LYRM4: variants seen among roughly 807,000 people sequenced by gnomAD.
The protein encoded by LYRM4 is LYR motif-containing protein 4.
LYRM4 carries 9 observed loss-of-function variants against 11.7 expected under a neutral mutation model. That is an observed-to-expected ratio of 0.77 (90% CI 0.46 to 1.34). LYRM4 has a LOEUF of 1.34. Ranked by LOEUF, LYRM4 falls within the 40% of genes most tolerant of loss-of-function variation. LYRM4 has a pLI of 0.00. For missense variants in LYRM4, 133 were observed against 112.5 expected, an observed-to-expected ratio of 1.18 and a Z score of -0.82; for synonymous variants, 42 against 40.4, an observed-to-expected ratio of 1.04 and a Z score of -0.15.
chr6:5,109,411 G>T lies in LYRM4; in HGVS notation c.*12C>A. On this transcript the variant is annotated 3_prime_UTR_variant, in exon 3 of 3. Transcript: ENST00000330636. ...GGTCCCTGGCCGCCACTGGTGGCTG[G>T]TCCCCGGCTTGCTAGGTCCTGGGCA... 1 of 1,613,914 alleles carries T rather than the reference G, an allele frequency of 6.2e-7. No individual in the cohort carries two copies. The highest frequency in any genetic ancestry group is 8.5e-7 in the Non-Finnish European group (1 of 1,179,842).
rs554889060 is a variant in LYRM4 at position 5,174,851 on chromosome 6, A to G, written c.207+41767T>C. Among the ~76,000 whole-genome samples the G allele has an allele frequency of 4.6e-4, 70 of 152,208 alleles. 1 individual carries two copies. The highest frequency in any genetic ancestry group is 3.8e-4 in the Non-Finnish European group (26 of 68,032). ...GAGAAAGGCTGAGAATATAAAAGAT[A>G]AGCAAGGCTTAACGTCAAAATTGAA... On this transcript the variant is annotated intron_variant, in intron 2 of 2. Coordinates refer to ENST00000330636, the MANE Select transcript of LYRM4 (RefSeq NM_020408.6).
At chr6:5,215,612 G>T (rs1222290779) in intron 2 of LYRM4, among the ~76,000 whole-genome samples, 1 of 152,144 alleles carries the variant, frequency 6.6e-6, no homozygotes, top group Non-Finnish European at 1.5e-5. Context: ...GACATAAACT[G>T]CAAATTATAG....
At chr6:5,123,131 A>AG (rs1427520542) in intron 2 of LYRM4, among the ~76,000 whole-genome samples, 2 of 152,176 alleles carry the variant, frequency 1.3e-5, no homozygotes, top group African/African-American at 4.8e-5. Flanking sequence ...AAATGGTGAG[A>AG]GGGAAAAACA....
At chr6:5,039,143 G>A in the LYRM4 span, among the ~76,000 whole-genome samples, 1 of 151,782 alleles carries the variant, frequency 6.6e-6, no homozygotes, top group Non-Finnish European at 1.5e-5. Context: ...CTAAATAAAT[G>A]AGTTGTTGCT....
chr6:5,193,103 C>A (rs1315273054), intron 2 of LYRM4, among the ~76,000 whole-genome samples: 2 of 152,130 alleles, frequency 1.3e-5, no homozygotes, highest in East Asian at 1.9e-4. Flanking sequence ...AATAGGCACA[C>A]AGCCCTACAG....
intron 2 of LYRM4, among the ~76,000 whole-genome samples, chr6:5,174,355 C>A (rs1759599511): frequency 6.6e-6 from 1 of 152,172 alleles, no homozygotes; most frequent in Non-Finnish European, 1.5e-5. Context: ...AGGACAGTGT[C>A]ACCTTTAAAG....
chr6:5,136,575 C>T (rs1446109351), intron 2 of LYRM4: 2 of 979,524 alleles, frequency 2.0e-6, no homozygotes, highest in Non-Finnish European at 2.4e-6. Flanking sequence ...TAATGTCTTA[C>T]TACAATGCCT....
intron 2 of LYRM4, chr6:5,136,474 G>A: frequency 1.0e-6 from 1 of 959,522 alleles, no homozygotes; most frequent in Non-Finnish European, 1.2e-6. Context: ...CACTGGCTCC[G>A]AAACCTTGGG....
At chr6:5,123,365 G>A (rs990239293) in intron 2 of LYRM4, among the ~76,000 whole-genome samples, 15 of 152,202 alleles carry the variant, frequency 9.9e-5, no homozygotes, top group African/African-American at 3.1e-4. Context: ...TGGGACAGGG[G>A]GCGGTGAGCA....
the LYRM4 span, among the ~76,000 whole-genome samples, chr6:5,047,944 G>A: frequency 6.6e-5 from 10 of 152,192 alleles, no homozygotes; most frequent in South Asian, 1.9e-3. Flanking sequence ...CCTCCACCCT[G>A]AGGTCACCAT....
At chr6:5,067,299 A>G in the LYRM4 span, among the ~76,000 whole-genome samples, 2 of 152,194 alleles carry the variant, frequency 1.3e-5, no homozygotes, top group Non-Finnish European at 2.9e-5. Flanking sequence ...AACATTTACA[A>G]TTGTGCAGCT....
chr6:5,074,001 C>T, the LYRM4 span, among the ~76,000 whole-genome samples: 1 of 140,610 alleles, frequency 7.1e-6, no homozygotes. Context: ...TATTCCAACA[C>T]CACCAATGCC....
chr6:5,216,892 AC>A (rs1762305063), intron 1 of LYRM4, among the ~76,000 whole-genome samples, 154 bp from the exon 2 acceptor site: 1 of 152,260 alleles, frequency 6.6e-6, no homozygotes, highest in Non-Finnish European at 1.5e-5. Context: ...AGGCTGATCC[AC>A]TACCATTCTG....
chr6:5,144,268 C>T lies in LYRM4; in HGVS notation c.208-34777G>A, dbSNP rs190442945. 348 of 1,537,072 alleles carry T rather than the reference C, an allele frequency of 2.3e-4. 1 individual carries two copies. The African/African-American group carries it at 4.3e-3, about 19-fold the overall frequency. ...GCTGTGCCTTGCTCAGCTACCTGCA[C>T]TGAGATACAGGCAAGTCTTGGGTGA... On this transcript the variant is annotated intron_variant, in intron 2 of 2. Transcript: ENST00000330636.
intron 2 of LYRM4, among the ~76,000 whole-genome samples, chr6:5,165,452 T>C (rs549929928): frequency 3.3e-5 from 5 of 152,368 alleles, no homozygotes; most frequent in African/African-American, 1.2e-4. Flanking sequence ...TAGATGCAAT[T>C]ACTGAATTCC....
chr6:5,193,758 CA>C (rs1760895682), intron 2 of LYRM4, among the ~76,000 whole-genome samples: 1 of 152,046 alleles, frequency 6.6e-6, no homozygotes, highest in Non-Finnish European at 1.5e-5. Context: ...GAGAATCCAT[CA>C]GTAAAAACCC....
At chr6:5,170,953 G>T (rs1759395393) in intron 2 of LYRM4, among the ~76,000 whole-genome samples, 1 of 152,128 alleles carries the variant, frequency 6.6e-6, no homozygotes, top group South Asian at 2.1e-4. Flanking sequence ...TACCCTATGT[G>T]TCCATTTTAA....
intron 2 of LYRM4, among the ~76,000 whole-genome samples, chr6:5,175,537 A>C (rs1478647957): frequency 1.3e-5 from 2 of 152,142 alleles, no homozygotes; most frequent in Non-Finnish European, 2.9e-5. Flanking sequence ...GAAAATCAGG[A>C]AAAACCATTT....
intron 1 of LYRM4, among the ~76,000 whole-genome samples, chr6:5,256,361 G>A (rs1222992295): frequency 3.3e-5 from 5 of 151,614 alleles, no homozygotes; most frequent in Non-Finnish European, 7.4e-5. Context: ...GTAGTGGCAG[G>A]CACCTGTAAT....
Sources: allele counts gnomAD v4.1 joint callset (sites outside exome capture counted in the v4.1 genomes callset), GRCh38; gene constraint gnomAD v4.1.1; transcripts MANE v1.5; gene names NCBI Gene and HGNC (gene_info 2026-07-23, HGNC 2026-07-21).